Variants in TENM2 observed in about 807,000 individuals in gnomAD.
TENM2 encodes teneurin transmembrane protein 2, also known as teneurin-2.
A neutral mutation model predicts 245.2 loss-of-function variants in TENM2; 52 were observed. The observed-to-expected ratio is 0.21, with a 90% confidence interval of 0.17 to 0.27. The LOEUF (loss-of-function observed/expected upper bound fraction) is 0.27. Ranked by LOEUF, TENM2 falls within the 10% of genes least tolerant of loss-of-function variation. The probability of loss-of-function intolerance (pLI) is 1.00; values close to 1 mark genes in which losing one functional copy is unlikely to be tolerated. For synonymous variants in TENM2, 1,363 were observed against 1,438.9 expected, an observed-to-expected ratio of 0.95 and a Z score of 1.19; for missense variants, 3,046 against 3,666.8, an observed-to-expected ratio of 0.83 and a Z score of 4.37.
At chr5:167,219,195 A>G in the TENM2 span, among the ~76,000 whole-genome samples, 3 of 152,040 alleles carry the variant, frequency 2.0e-5, no homozygotes, top group Non-Finnish European at 4.4e-5. Context: ...AGCGTTTTGG[A>G]AGGCTGAGAT....
the TENM2 span, among the ~76,000 whole-genome samples, chr5:167,016,255 A>G: frequency 3.5e-5 from 2 of 56,830 alleles, no homozygotes; most frequent in African/African-American, 1.3e-4. Flanking sequence ...CTCTGTCTCA[A>G]AAAAAAAAAC....
At chr5:167,683,472 A>G (rs1355835435) in intron 2 of TENM2, among the ~76,000 whole-genome samples, 1 of 152,178 alleles carries the variant, frequency 6.6e-6, no homozygotes, top group Non-Finnish European at 1.5e-5. Context: ...TAAAAACTAG[A>G]GTGTGGTTTT....
At chr5:168,238,463 G>C (rs1370939292) in intron 25 of TENM2, among the ~76,000 whole-genome samples, 2 of 151,962 alleles carry the variant, frequency 1.3e-5, no homozygotes, top group Non-Finnish European at 2.9e-5. Context: ...ATCTTTTTTG[G>C]GTTTCCCATA....
At chr5:168,103,084 A>T (rs1265775392) in intron 9 of TENM2, among the ~76,000 whole-genome samples, 1 of 127,540 alleles carries the variant, frequency 7.8e-6, no homozygotes, top group African/African-American at 3.1e-5. Context: ...TCCTGTGTCC[A>T]TGTGTTCTCA....
intron 2 of TENM2, among the ~76,000 whole-genome samples, chr5:167,636,796 T>G (rs560253929): frequency 6.6e-6 from 1 of 152,340 alleles, no homozygotes; most frequent in South Asian, 2.1e-4. Context: ...TTACTTATAA[T>G]TTGTTTTAAA....
chr5:167,304,153 T>G (rs1755524462), intron 1 of TENM2, among the ~76,000 whole-genome samples: 1 of 152,176 alleles, frequency 6.6e-6, no homozygotes, highest in Non-Finnish European at 1.5e-5. Flanking sequence ...CTTCCTTGAA[T>G]GATGGGTTCA....
intron 11 of TENM2, among the ~76,000 whole-genome samples, chr5:168,125,284 G>A (rs1228301402): frequency 6.6e-6 from 1 of 152,172 alleles, no homozygotes; most frequent in Admixed American, 6.5e-5. Flanking sequence ...GAGGAGCCCA[G>A]GAGGGATGCT....
chr5:167,196,825 G>T, the TENM2 span, among the ~76,000 whole-genome samples: 1 of 151,808 alleles, frequency 6.6e-6, no homozygotes, highest in East Asian at 1.9e-4. Context: ...ATGCGTGTAG[G>T]TTACATGCAA....
chr5:167,137,333 C>A, the TENM2 span, among the ~76,000 whole-genome samples: 3 of 152,162 alleles, frequency 2.0e-5, no homozygotes, highest in Non-Finnish European at 4.4e-5. Context: ...TAAAATCAGA[C>A]TCACTTTTTT....
At chr5:168,070,827 G>GAGAA (rs1790947329) in intron 7 of TENM2, among the ~76,000 whole-genome samples, 3 of 133,098 alleles carry the variant, frequency 2.3e-5, no homozygotes, top group African/African-American at 8.2e-5. Flanking sequence ...GAGAAAAAAA[G>GAGAA]AAAGAAGAAA....
intron 2 of TENM2, among the ~76,000 whole-genome samples, chr5:167,646,177 CATAT>C (rs57273762): frequency 6.4e-4 from 54 of 84,166 alleles, no homozygotes; most frequent in African/African-American, 1.7e-3. Context: ...ATGTTGTTTT[CATAT>C]ATATATATAT....
chr5:167,672,476 G>C (rs1428326085), intron 2 of TENM2, among the ~76,000 whole-genome samples: 1 of 151,974 alleles, frequency 6.6e-6, no homozygotes, highest in Non-Finnish European at 1.5e-5. Flanking sequence ...GCCTTCTGGT[G>C]ATCTAACCTC....
chr5:167,355,636 A>T (rs1301545511), intron 1 of TENM2, among the ~76,000 whole-genome samples: 2 of 152,154 alleles, frequency 1.3e-5, no homozygotes, highest in Admixed American at 6.5e-5. Context: ...CTCCTTTGAA[A>T]GCAAAGCTAT....
chr5:167,953,990 C>T (rs928207391), intron 4 of TENM2, among the ~76,000 whole-genome samples: 3 of 151,906 alleles, frequency 2.0e-5, no homozygotes, highest in African/African-American at 7.3e-5. Context: ...AGAATTTTTG[C>T]TTTATTAAGA....
intron 12 of TENM2, among the ~76,000 whole-genome samples, chr5:168,142,746 A>T (rs904347828): frequency 2.0e-5 from 3 of 152,244 alleles, no homozygotes; most frequent in African/African-American, 7.2e-5. Flanking sequence ...TTCCCAAGAA[A>T]TGTGGTCTCT....
chr5:167,728,175 C>G (rs1021301477), intron 2 of TENM2, among the ~76,000 whole-genome samples: 1 of 152,146 alleles, frequency 6.6e-6, no homozygotes, highest in African/African-American at 2.4e-5. Context: ...ATCCCCTACC[C>G]CTTGTTGTTG....
chr5:167,441,483 G>A (rs1008888492), intron 2 of TENM2, among the ~76,000 whole-genome samples: 1 of 152,180 alleles, frequency 6.6e-6, no homozygotes, highest in African/African-American at 2.4e-5. Flanking sequence ...TTATCAGCGT[G>A]TGCTTCATTA....
At chr5:167,133,372 G>A in the TENM2 span, among the ~76,000 whole-genome samples, 4 of 152,180 alleles carry the variant, frequency 2.6e-5, no homozygotes, top group South Asian at 8.3e-4. Context: ...GCATTGCTCA[G>A]TCTTGCCCCT....
the TENM2 span, among the ~76,000 whole-genome samples, chr5:167,035,730 T>G: frequency 6.6e-6 from 1 of 152,090 alleles, no homozygotes; most frequent in East Asian, 1.9e-4. Context: ...ACATGATGAA[T>G]TGATGATAGT....
Sources: gnomAD v4.1 joint callset for allele counts (sites outside exome capture counted in the v4.1 genomes callset) on GRCh38, gnomAD v4.1.1 for gene constraint, MANE v1.5 for transcripts, NCBI Gene and HGNC (gene_info 2026-07-23, HGNC 2026-07-21) for gene names.